The following ADGRL3 variants were observed in gnomAD, a reference collection of about 807,000 sequenced individuals.
ADGRL3 encodes adhesion G protein-coupled receptor L3, also known as calcium-independent alpha-latrotoxin receptor 3.
In ADGRL3, 62 loss-of-function variants were observed where a neutral mutation model predicts 153.5. The ratio of observed to expected loss-of-function variants is 0.40; its 90% CI spans 0.33 to 0.50. ADGRL3 has a LOEUF of 0.50. Among genes scored for constraint, ADGRL3 ranks in the 20% least tolerant of loss-of-function variants. The pLI is 0.47. For synonymous variants in ADGRL3, 710 were observed against 672.5 expected, an observed-to-expected ratio of 1.06 and a Z score of -0.86; for missense variants, 1,641 against 1,859.4, an observed-to-expected ratio of 0.88 and a Z score of 2.16.
At chr4:61,758,278 G>T (rs942743899) in intron 8 of ADGRL3, among the ~76,000 whole-genome samples, 8 of 152,138 alleles carry the variant, frequency 5.3e-5, no homozygotes, top group African/African-American at 1.9e-4. Flanking sequence ...TGACAGTGGG[G>T]TGTTAAAAGT....
chr4:61,687,259 C>G (rs915360220), intron 6 of ADGRL3, among the ~76,000 whole-genome samples: 1 of 151,794 alleles, frequency 6.6e-6, no homozygotes, highest in African/African-American at 2.4e-5. Flanking sequence ...GTCACCTTAA[C>G]AGTCAAAAGA....
At chr4:61,601,473 A>G (rs1264528203) in intron 5 of ADGRL3, among the ~76,000 whole-genome samples, 6 of 152,234 alleles carry the variant, frequency 3.9e-5, no homozygotes, top group African/African-American at 1.4e-4. Flanking sequence ...AATTCAAACT[A>G]TTAATTCCCA....
chr4:61,263,535 A>G (rs1269049920), intron 1 of ADGRL3, among the ~76,000 whole-genome samples: 2 of 151,776 alleles, frequency 1.3e-5, no homozygotes, highest in East Asian at 1.9e-4. Context: ...TTCATTTTAC[A>G]AAAAGTATAA....
intron 6 of ADGRL3, among the ~76,000 whole-genome samples, chr4:61,699,481 G>T (rs1222520914): frequency 6.6e-6 from 1 of 152,110 alleles, no homozygotes; most frequent in Non-Finnish European, 1.5e-5. Flanking sequence ...AAAGACACAT[G>T]GCTCAGATCT....
intron 4 of ADGRL3, among the ~76,000 whole-genome samples, chr4:61,586,802 G>C (rs969686473): frequency 6.6e-6 from 1 of 151,928 alleles, no homozygotes; most frequent in Non-Finnish European, 1.5e-5. Context: ...ACTTAAATAA[G>C]TATATTTAAA....
At chr4:61,711,659 T>C (rs927364171) in intron 6 of ADGRL3, among the ~76,000 whole-genome samples, 5 of 151,160 alleles carry the variant, frequency 3.3e-5, no homozygotes, top group African/African-American at 1.2e-4. Context: ...GGATAACATT[T>C]ATGGACAGAA....
At chr4:61,918,824 C>A (rs1464699543) in intron 13 of ADGRL3, among the ~76,000 whole-genome samples, 1 of 152,148 alleles carries the variant, frequency 6.6e-6, no homozygotes, top group African/African-American at 2.4e-5. Context: ...CCATTCTTTT[C>A]AACTTTTTTG....
intron 5 of ADGRL3, among the ~76,000 whole-genome samples, chr4:61,609,408 A>G (rs2149658076): frequency 6.6e-6 from 1 of 152,260 alleles, no homozygotes; most frequent in South Asian, 2.1e-4. Context: ...AACCTTTATT[A>G]GGTTTCATAA....
At chr4:61,962,083 C>CA (rs1280363499) in intron 17 of ADGRL3, among the ~76,000 whole-genome samples, 3 of 151,728 alleles carry the variant, frequency 2.0e-5, no homozygotes, top group Admixed American at 1.3e-4. Context: ...TACTAAAATA[C>CA]AAAAAATTAG....
chr4:61,399,488 A>G (rs2096905413), intron 2 of ADGRL3, among the ~76,000 whole-genome samples: 1 of 151,710 alleles, frequency 6.6e-6, no homozygotes, highest in South Asian at 2.1e-4. Context: ...GGTTCATTTC[A>G]TTAATTTTCA....
intron 21 of ADGRL3, among the ~76,000 whole-genome samples, chr4:62,009,993 C>T (rs2099176824): frequency 6.6e-6 from 1 of 152,104 alleles, no homozygotes; most frequent in Non-Finnish European, 1.5e-5. Flanking sequence ...GGAAGAGATG[C>T]ACAGGGCAAG....
At chr4:61,675,464 C>T (rs542738840) in intron 5 of ADGRL3, among the ~76,000 whole-genome samples, 1 of 151,848 alleles carries the variant, frequency 6.6e-6, no homozygotes, top group South Asian at 2.1e-4. Flanking sequence ...TAGAACGTTT[C>T]TGAGTGAAAT....
chr4:61,866,930 G>C lies in ADGRL3; in HGVS notation c.1481-25726G>C, dbSNP rs564493089. On this transcript the variant is annotated intron_variant, in intron 9 of 26. Transcript: ENST00000683033. The stretch of plus-strand genomic sequence containing the variant: ...TTTTTGAAGATCCTGGTATTGAGAT[G>C]CACTCCCAGAGAGTCAACAATAAGC... Among the ~76,000 whole-genome samples the C allele has an allele frequency of 1.4e-4, 22 of 152,232 alleles. 1 individual carries two copies. The highest frequency in any genetic ancestry group is 5.3e-4 in the African/African-American group (22 of 41,522).
chr4:61,457,851 C>CAGATGATAGAT (rs1553934514), intron 2 of ADGRL3, among the ~76,000 whole-genome samples: 25 of 146,060 alleles, frequency 1.7e-4, no homozygotes, highest in Admixed American at 9.0e-4. Flanking sequence ...TCACAGATGA[C>CAGATGATAGAT]AGATAGATAG....
chr4:61,823,230 G>T (rs1006582390), intron 9 of ADGRL3, among the ~76,000 whole-genome samples: 1 of 152,130 alleles, frequency 6.6e-6, no homozygotes, highest in Non-Finnish European at 1.5e-5. Context: ...GTCTCTTTCA[G>T]AAAAGTGGTG....
chr4:61,693,473 G>A (rs897566388), intron 6 of ADGRL3, among the ~76,000 whole-genome samples: 13 of 151,776 alleles, frequency 8.6e-5, no homozygotes, highest in African/African-American at 3.1e-4. Context: ...AAATCACCAA[G>A]AAGTTTTAAA....
intron 8 of ADGRL3, among the ~76,000 whole-genome samples, chr4:61,805,944 C>T (rs2097548180): frequency 6.6e-6 from 1 of 152,178 alleles, no homozygotes; most frequent in Non-Finnish European, 1.5e-5. Context: ...CTCAATTAAA[C>T]AGAATTAGTT....
intron 6 of ADGRL3, among the ~76,000 whole-genome samples, chr4:61,694,045 A>G (rs2151177922): frequency 6.6e-6 from 1 of 152,244 alleles, no homozygotes; most frequent in East Asian, 1.9e-4. Flanking sequence ...ATACATATAC[A>G]GAGTGTAATT....
intron 22 of ADGRL3, among the ~76,000 whole-genome samples, chr4:62,030,962 A>G (rs1182582622): frequency 2.0e-5 from 3 of 151,542 alleles, no homozygotes; most frequent in Non-Finnish European, 4.4e-5. Flanking sequence ...TCCTAATACG[A>G]GTTATATTTT....
Sources: gnomAD v4.1 joint callset for allele counts (sites outside exome capture counted in the v4.1 genomes callset) on GRCh38, gnomAD v4.1.1 for gene constraint, MANE v1.5 for transcripts, NCBI Gene and HGNC (gene_info 2026-07-23, HGNC 2026-07-21) for gene names.